Variants in C12orf56 observed in about 807,000 individuals in gnomAD.
The protein encoded by C12orf56 is chromosome 12 open reading frame 56.
In C12orf56, 71 loss-of-function variants were observed where a neutral mutation model predicts 69.9. The observed-to-expected ratio is 1.02, with a 90% confidence interval of 0.84 to 1.24. The LOEUF is 1.24. Ranked by LOEUF, C12orf56 falls within the 50% of genes most tolerant of loss-of-function variation. The probability of loss-of-function intolerance (pLI) is 0.00; values close to 1 mark genes in which losing one functional copy is unlikely to be tolerated. For missense variants in C12orf56, 732 were observed against 738.5 expected (o/e 0.99, Z 0.10); for synonymous variants, 276 against 274.1 (o/e 1.01, Z -0.07).
intron 4 of C12orf56, among the ~76,000 whole-genome samples, chr12:64,316,417 T>C (rs2038691973): frequency 6.6e-6 from 1 of 152,110 alleles, no homozygotes; most frequent in Non-Finnish European, 1.5e-5. Context: ...ATTTTAGAGA[T>C]GGAGTCTTGC....
intron 11 of C12orf56, among the ~76,000 whole-genome samples, chr12:64,273,167 T>C (rs1865797): frequency 0.7 from 106,849 of 151,868 alleles, 38,761 homozygotes; most frequent in Non-Finnish European, 0.8. Flanking sequence ...TGGTGGCAGG[T>C]GCCTGTAATC....
intron 6 of C12orf56, among the ~76,000 whole-genome samples, chr12:64,286,454 G>A (rs2136769569): frequency 6.6e-6 from 1 of 152,268 alleles, no homozygotes; most frequent in African/African-American, 2.4e-5. Context: ...TAATGAATAA[G>A]CAAGTTCTCG....
In C12orf56 at chr12:64,344,293, T is replaced by G. The variant is rs61931513; in HGVS notation, c.415+8601A>C. 7.5e-3 allele frequency among the ~76,000 whole-genome samples: 1,136 copies of G among 152,300 alleles called. 6 individuals carry two copies. Among genetic ancestry groups the G allele is most frequent in the Non-Finnish European group, 0.011 (760 of 68,020 alleles). Reference sequence around the variant, plus strand: ...CTTCATTCAAGGGGTTCTGGGTCTGTAAACTGGCTCAAATCTGGAAACTGA... The same window carrying G: ...CTTCATTCAAGGGGTTCTGGGTCTGGAAACTGGCTCAAATCTGGAAACTGA... On this transcript the variant is annotated intron_variant, in intron 2 of 12. Coordinates refer to ENST00000543942, the MANE Select transcript of C12orf56 (RefSeq NM_001170633.2).
At chr12:64,331,631 G>A (rs2038931362) in intron 2 of C12orf56, among the ~76,000 whole-genome samples, 1 of 152,118 alleles carries the variant, frequency 6.6e-6, no homozygotes, top group African/African-American at 2.4e-5. Flanking sequence ...TAGTCCCACT[G>A]CCCCTCCCAC....
intron 6 of C12orf56, among the ~76,000 whole-genome samples, chr12:64,296,526 C>A (rs1307005566): frequency 6.6e-6 from 1 of 152,154 alleles, no homozygotes; most frequent in African/African-American, 2.4e-5. Flanking sequence ...CAGGATGAAT[C>A]CTGCCTTGAG....
intron 3 of C12orf56, among the ~76,000 whole-genome samples, chr12:64,320,796 C>T (rs2038761878): frequency 6.6e-6 from 1 of 152,176 alleles, no homozygotes; most frequent in Non-Finnish European, 1.5e-5. Flanking sequence ...AGAAGGGAGT[C>T]CCTTGTGCTT....
chr12:64,319,111 T>C lies in C12orf56; in HGVS notation c.489-131A>G, dbSNP rs1174713371. 8.1e-6 allele frequency: 7 copies of C among 866,172 alleles called. No individual in the cohort carries two copies. The South Asian group carries it at 1.5e-4, about 18-fold the overall frequency. The allele number at this position is 866,172 out of a possible 1,614,324, so 53.7% of individuals were successfully genotyped here. On this transcript the variant is annotated intron_variant, in intron 3 of 12. Transcript: ENST00000543942. ...AATGCTTGTTAAAACAAGGAAGTCA[T>C]TGAACCTCGCTGGTAATAACCCATT...
rs1007205654 is a variant in C12orf56, at chr12:64,390,743, C to T, written c.-178G>A. The T allele has an allele frequency of 3.2e-5, 27 of 854,328 alleles. No homozygotes were observed. In the African/African-American group the frequency reaches 4.4e-4, roughly 14 times the overall value. The allele number at this position is 854,328 out of a possible 1,614,324, so 52.9% of individuals were successfully genotyped here. A position where few individuals can be genotyped will look rare whatever the true frequency, so the allele number is the denominator to read the frequency against. Reference sequence around the variant, plus strand: ...CGACGCTAGGTCGGCTTCCCTGGAGCGCCCTCCCCAGCCCTGTCCAGCCTC... The same window carrying T: ...CGACGCTAGGTCGGCTTCCCTGGAGTGCCCTCCCCAGCCCTGTCCAGCCTC... On this transcript the variant is annotated 5_prime_UTR_variant, in exon 1 of 13. Transcript: ENST00000543942.
chr12:64,370,566 G>T (rs764942640), intron 1 of C12orf56, among the ~76,000 whole-genome samples: 1 of 151,864 alleles, frequency 6.6e-6, no homozygotes, highest in East Asian at 1.9e-4. Context: ...CATGAGAATC[G>T]CTTGAGCCCA....
At chr12:64,285,913 GCAAAAAAAAA>G in intron 7 of C12orf56, 31 bp downstream of exon 7, 1 of 1,224,714 alleles carries the variant, frequency 8.2e-7, no homozygotes, top group Non-Finnish European at 1.1e-6. Flanking sequence ...TAACACCCTA[GCAAAAAAAAA>G]AAAATCGATG....
At position 64,284,752 on chromosome 12, in the gene C12orf56, C is replaced by T. The variant is rs1347526439; in HGVS notation, c.1222G>A (p.Ala408Thr). 1 of 1,584,946 alleles carries T rather than the reference C, an allele frequency of 6.3e-7. No individual in the cohort carries two copies. The highest frequency in any genetic ancestry group is 1.9e-5 in the Admixed American group (1 of 53,778). Residue 408 changes from alanine (A) to threonine (T), a missense_variant and splice_region_variant, in exon 8 of 13, where the codon GCA becomes ACA. By Grantham distance (58) the Ala-to-Thr change is moderately conservative. Transcript: ENST00000543942. ...NQSQRVDELV[A>T]CIEIIQTLVL... ...AGGGTCTGTATAATTTCAATGCATG[C>T]CCTAGAAAATAAACGATAAAAGGCA...
chr12:64,346,106 G>T (rs1203798603), intron 2 of C12orf56, among the ~76,000 whole-genome samples: 1 of 152,144 alleles, frequency 6.6e-6, no homozygotes, highest in Non-Finnish European at 1.5e-5. Flanking sequence ...TAGAGGGACA[G>T]AACTAATGGA....
rs374865566 is a variant in C12orf56, at chr12:64,344,963, C to T, written c.415+7931G>A. ...TAACTCCCTGAGCTGCAACATTAAA[C>T]GCAGAGTCCCTACTTAGTGGGGCCA... On this transcript the variant is annotated intron_variant, in intron 2 of 12. Coordinates refer to ENST00000543942, the MANE Select transcript of C12orf56 (RefSeq NM_001170633.2). Among the ~76,000 whole-genome samples the T allele has an allele frequency of 9.2e-5, 14 of 152,122 alleles. 1 individual carries two copies. Among genetic ancestry groups the T allele is most frequent in the South Asian group, 4.1e-4 (2 of 4,832 alleles).
chr12:64,387,118 T>C (rs1289889573), intron 1 of C12orf56, among the ~76,000 whole-genome samples: 1 of 103,176 alleles, frequency 9.7e-6, no homozygotes, highest in Non-Finnish European at 1.8e-5. Flanking sequence ...AAAGATGTGT[T>C]CACATTGAGC....
At chr12:64,367,238 T>TATACAGTTTATATATTATATA (rs1565777806) in intron 1 of C12orf56, among the ~76,000 whole-genome samples, 39 of 66,056 alleles carry the variant, frequency 5.9e-4, no homozygotes, top group African/African-American at 2.2e-3. Context: ...TTATATGTAA[T>TATACAGTTTATATATTATATA]ATACAGTTTA....
chr12:64,379,080 C>T (rs1263292302), intron 1 of C12orf56, among the ~76,000 whole-genome samples: 1 of 151,764 alleles, frequency 6.6e-6, no homozygotes, highest in Non-Finnish European at 1.5e-5. Flanking sequence ...GAACAGAACC[C>T]CTTGCTAATC....
intron 1 of C12orf56, among the ~76,000 whole-genome samples, chr12:64,363,420 A>C (rs1408276558): frequency 6.6e-6 from 1 of 152,208 alleles, no homozygotes; most frequent in African/African-American, 2.4e-5. Context: ...TACATTCCAA[A>C]GAAAGGCTTG....
intron 1 of C12orf56, among the ~76,000 whole-genome samples, chr12:64,366,435 A>T (rs1292175993): frequency 4.3e-5 from 2 of 46,012 alleles, no homozygotes; most frequent in Non-Finnish European, 8.3e-5. Context: ...TATTATATAT[A>T]ACATACAGTT....
chr12:64,275,046 T>G (rs945054818), intron 10 of C12orf56, 71 bp from the exon 11 acceptor site: 1 of 1,338,428 alleles, frequency 7.5e-7, no homozygotes, highest in Non-Finnish European at 1.1e-6. Flanking sequence ...ATACTCATTC[T>G]TAAATACATT....
Sources: allele counts gnomAD v4.1 joint callset (sites outside exome capture counted in the v4.1 genomes callset), GRCh38; gene constraint gnomAD v4.1.1; transcripts MANE v1.5; gene names NCBI Gene and HGNC (gene_info 2026-07-23, HGNC 2026-07-21).